NPSR1: variants seen among roughly 807,000 people sequenced by gnomAD.
The protein encoded by NPSR1 is neuropeptide S receptor 1, also known as neuropeptide S receptor.
NPSR1 carries 48 observed loss-of-function variants against 46.9 expected under a neutral mutation model. That is an observed-to-expected ratio of 1.02 (90% CI 0.81 to 1.30). NPSR1 has a LOEUF of 1.30. Among genes scored for constraint, NPSR1 ranks in the 50% most tolerant of loss-of-function variants. The pLI is 0.00. For missense variants in NPSR1, 450 were observed against 449.5 expected (o/e 1.00, Z -0.01); for synonymous variants, 176 against 168.1 (o/e 1.05, Z -0.36).
chr7:34,665,627 C>T (rs777935677), intron 1 of NPSR1, among the ~76,000 whole-genome samples: 1 of 152,180 alleles, frequency 6.6e-6, no homozygotes, highest in Non-Finnish European at 1.5e-5. Flanking sequence ...GCCTTTCTCA[C>T]ACCTTTTTCT....
intron 8 of NPSR1, among the ~76,000 whole-genome samples, chr7:34,864,492 A>G (rs1791265071): frequency 1.3e-5 from 2 of 151,862 alleles, no homozygotes; most frequent in Non-Finnish European, 2.9e-5. Context: ...TTAAATGATT[A>G]AGTTCAATGA....
intron 2 of NPSR1, among the ~76,000 whole-genome samples, chr7:34,691,801 A>G (rs1183508146): frequency 6.8e-6 from 1 of 147,898 alleles, no homozygotes; most frequent in East Asian, 1.9e-4. Flanking sequence ...CAGATCATCA[A>G]GGCAGGAAAT....
At chr7:34,708,837 C>T (rs1274436517) in intron 2 of NPSR1, among the ~76,000 whole-genome samples, 2 of 152,180 alleles carry the variant, frequency 1.3e-5, no homozygotes, top group African/African-American at 2.4e-5. Context: ...TTGTGTTTCC[C>T]TCCCTGATAT....
chr7:34,789,885 T>C (rs983869739), intron 3 of NPSR1, among the ~76,000 whole-genome samples: 1 of 151,460 alleles, frequency 6.6e-6, no homozygotes, highest in African/African-American at 2.4e-5. Context: ...AGTAATAAAA[T>C]GTTTCCATTC....
chr7:34,851,134 T>C (rs559855393), downstream of NPSR1, among the ~76,000 whole-genome samples: 5 of 151,970 alleles, frequency 3.3e-5, no homozygotes, highest in Non-Finnish European at 4.4e-5. Context: ...TTCTTGACAT[T>C]AAAATCTCCT....
intron 2 of NPSR1, among the ~76,000 whole-genome samples, chr7:34,774,522 C>T (rs1786853211): frequency 6.6e-6 from 1 of 152,160 alleles, no homozygotes; most frequent in Non-Finnish European, 1.5e-5. Flanking sequence ...ATTTGGTGCC[C>T]CATTATCAGC....
At chr7:34,717,344 C>T (rs1336199009) in intron 2 of NPSR1, among the ~76,000 whole-genome samples, 1 of 152,182 alleles carries the variant, frequency 6.6e-6, no homozygotes, top group Non-Finnish European at 1.5e-5. Context: ...GTTGGTCATG[C>T]TGGTCTCAAA....
At chr7:34,798,772 A>G (rs1039602401) in intron 3 of NPSR1, among the ~76,000 whole-genome samples, 1 of 152,210 alleles carries the variant, frequency 6.6e-6, no homozygotes, top group Non-Finnish European at 1.5e-5. Context: ...TACACAAAGT[A>G]TACTCTCAGA....
At chr7:34,733,999 C>T (rs1784555388) in intron 2 of NPSR1, among the ~76,000 whole-genome samples, 1 of 152,134 alleles carries the variant, frequency 6.6e-6, no homozygotes, top group Non-Finnish European at 1.5e-5. Flanking sequence ...GAGTCATAGT[C>T]ATGGGAGTGA....
chr7:34,791,235 TTATA>T (rs1312474302), intron 3 of NPSR1, among the ~76,000 whole-genome samples: 4 of 111,548 alleles, frequency 3.6e-5, no homozygotes, highest in South Asian at 2.8e-4. Flanking sequence ...ATATATTATA[TTATA>T]TATGTTATAT....
chr7:34,843,540 C>T (rs1041193021), intron 6 of NPSR1, among the ~76,000 whole-genome samples: 10 of 152,220 alleles, frequency 6.6e-5, no homozygotes, highest in East Asian at 3.8e-4. Context: ...AGCAGCATCT[C>T]GCTCATCTCA....
intron 2 of NPSR1, among the ~76,000 whole-genome samples, chr7:34,687,331 A>G (rs929141891): frequency 5.3e-5 from 8 of 152,194 alleles, no homozygotes; most frequent in Admixed American, 2.6e-4. Context: ...ATAACTCAAT[A>G]GTATGTTGTA....
intron 7 of NPSR1, among the ~76,000 whole-genome samples, chr7:34,845,259 G>T (rs1480908937): frequency 6.6e-6 from 1 of 152,202 alleles, no homozygotes; most frequent in East Asian, 1.9e-4. Context: ...TGAAGTGGAT[G>T]CTCACATCAC....
intron 2 of NPSR1, among the ~76,000 whole-genome samples, chr7:34,702,676 G>A (rs1348135304): frequency 2.0e-5 from 3 of 152,148 alleles, no homozygotes; most frequent in Non-Finnish European, 4.4e-5. Context: ...ATTGCTGGCT[G>A]TTTATGCTTT....
intron 2 of NPSR1, among the ~76,000 whole-genome samples, chr7:34,693,273 T>A (rs956995494): frequency 2.0e-5 from 3 of 152,170 alleles, no homozygotes; most frequent in African/African-American, 7.2e-5. Context: ...TCTCAGTTAC[T>A]TCTTTATAGC....
intron 1 of NPSR1, among the ~76,000 whole-genome samples, chr7:34,666,474 T>C (rs1366310901): frequency 6.6e-6 from 1 of 152,186 alleles, no homozygotes. Context: ...GGAAAGATAT[T>C]GCTGGCATTC....
At chr7:34,742,258 C>A (rs1459089115) in intron 2 of NPSR1, among the ~76,000 whole-genome samples, 1 of 151,320 alleles carries the variant, frequency 6.6e-6, no homozygotes, top group Non-Finnish European at 1.5e-5. Flanking sequence ...TAGATTATTT[C>A]ATCACCCAGA....
chr7:34,766,051 T>C (rs1021230152), intron 2 of NPSR1, among the ~76,000 whole-genome samples: 6 of 151,984 alleles, frequency 3.9e-5, no homozygotes, highest in African/African-American at 1.5e-4. Context: ...GTTGAAATCA[T>C]TTCTAAAAAA....
intron 3 of NPSR1, among the ~76,000 whole-genome samples, chr7:34,790,360 A>T (rs1787674214): frequency 6.6e-6 from 1 of 152,034 alleles, no homozygotes; most frequent in Admixed American, 6.6e-5. Flanking sequence ...TAGGTACAGA[A>T]GAGAAGTGCT....
Sources: gnomAD v4.1 joint callset for allele counts (sites outside exome capture counted in the v4.1 genomes callset) on GRCh38, gnomAD v4.1.1 for gene constraint, MANE v1.5 for transcripts, NCBI Gene and HGNC (gene_info 2026-07-23, HGNC 2026-07-21) for gene names.